Variants in HS6ST2 observed in about 807,000 individuals in gnomAD.
HS6ST2 encodes the protein heparan-sulfate 6-O-sulfotransferase 2.
A neutral mutation model predicts 33.0 loss-of-function variants in HS6ST2; 17 were observed. That is an observed-to-expected ratio of 0.52 (90% CI 0.35 to 0.77). The LOEUF (loss-of-function observed/expected upper bound fraction) is 0.77. HS6ST2 is among the 30% of genes least tolerant of loss of function. The pLI is 0.01. For missense variants in HS6ST2, 519 were observed against 551.7 expected, an observed-to-expected ratio of 0.94 and a Z score of 0.59; for synonymous variants, 248 against 237.1, an observed-to-expected ratio of 1.05 and a Z score of -0.42.
At chrX:132,852,494 G>C (rs1456573088) in intron 2 of HS6ST2, among the ~76,000 whole-genome samples, 1 of 111,656 alleles carries the variant, frequency 9.0e-6, no homozygotes, top group East Asian at 2.8e-4. Context: ...TTAGGACTTG[G>C]GCTAAACAAT....
chrX:132,935,354 A>G (rs983369943), intron 2 of HS6ST2, among the ~76,000 whole-genome samples: 1 of 111,677 alleles, frequency 9.0e-6, no homozygotes, highest in Non-Finnish European at 1.9e-5. Context: ...TTAGGCCACA[A>G]GATGTGTCTC....
intron 2 of HS6ST2, among the ~76,000 whole-genome samples, chrX:132,764,375 T>C (rs1390007824): frequency 3.6e-5 from 4 of 112,002 alleles, no homozygotes. Context: ...TGAACAACCA[T>C]TGACATTTTG....
intron 2 of HS6ST2, among the ~76,000 whole-genome samples, chrX:132,773,262 T>A (rs1469012120): frequency 9.6e-6 from 1 of 104,487 alleles, no homozygotes; most frequent in Non-Finnish European, 1.9e-5. Context: ...ATATTTATAA[T>A]CCAAAAGTCA....
At chrX:132,940,377 T>C (rs2066873761) in intron 2 of HS6ST2, among the ~76,000 whole-genome samples, 1 of 111,859 alleles carries the variant, frequency 8.9e-6, no homozygotes, top group Admixed American at 9.5e-5. Context: ...GGAGTAAATT[T>C]TTGTGAACAC....
intron 4 of HS6ST2, among the ~76,000 whole-genome samples, chrX:132,653,420 G>A (rs1569477796): frequency 1.8e-5 from 2 of 111,738 alleles, no homozygotes; most frequent in Admixed American, 9.5e-5. Flanking sequence ...CTCGGCCCAC[G>A]ACTTTTAAAA....
chrX:132,627,130 T>C lies in HS6ST2; in HGVS notation c.*1093A>G, dbSNP rs890113614. 2 of 112,499 alleles carry C rather than the reference T, an allele frequency of 1.8e-5. No homozygotes were observed. Among genetic ancestry groups the C allele is most frequent in the Non-Finnish European group, 3.8e-5 (2 of 53,203 alleles). The allele number at this position is 112,499 out of a possible 1,213,427, so 9.3% of individuals were successfully genotyped here. On this transcript the variant is annotated 3_prime_UTR_variant, in exon 5 of 5. Coordinates refer to ENST00000370833, the MANE Select transcript of HS6ST2 (RefSeq NM_001394073.1). ...CCAACTGGAAACATTACAATAGAGA[T>C]GTACAAAAAGTAAGTAAGAGTTCAC...
intron 2 of HS6ST2, among the ~76,000 whole-genome samples, chrX:132,875,210 T>C (rs1031776097): frequency 8.9e-6 from 1 of 111,884 alleles, no homozygotes; most frequent in African/African-American, 3.2e-5. Context: ...ATTGCCAACT[T>C]GATTGTCACA....
chrX:132,868,948 G>A (rs1203296628), intron 2 of HS6ST2, among the ~76,000 whole-genome samples: 1 of 108,402 alleles, frequency 9.2e-6, no homozygotes, highest in Non-Finnish European at 1.9e-5. Context: ...AACTGAAGGA[G>A]ATAGAGAGAC....
At chrX:132,685,249 A>C (rs2064008345) in intron 3 of HS6ST2, among the ~76,000 whole-genome samples, 1 of 112,189 alleles carries the variant, frequency 8.9e-6, no homozygotes, top group African/African-American at 3.2e-5. Context: ...GGTTGTCACA[A>C]GCTCAATAAT....
chrX:132,651,742 C>T (rs1441261074), intron 4 of HS6ST2, among the ~76,000 whole-genome samples: 1 of 111,544 alleles, frequency 9.0e-6, no homozygotes, highest in Non-Finnish European at 1.9e-5. Context: ...GCACTTTCAC[C>T]CTGATGGTTC....
chrX:132,762,719 C>T, intron 2 of HS6ST2, among the ~76,000 whole-genome samples: 1 of 111,587 alleles, frequency 9.0e-6, no homozygotes, highest in East Asian at 2.8e-4. Flanking sequence ...TGACCCTTTC[C>T]AAGAGGTTGG....
At chrX:132,938,757 A>G (rs995276089) in intron 2 of HS6ST2, among the ~76,000 whole-genome samples, 1 of 112,238 alleles carries the variant, frequency 8.9e-6, no homozygotes, top group Non-Finnish European at 1.9e-5. Context: ...GATTTTAGCC[A>G]AGGAAGTAAG....
chrX:132,800,116 G>A lies in HS6ST2; in HGVS notation c.948-91622C>T, dbSNP rs1019970355. Among the ~76,000 whole-genome samples, 11 of 111,849 alleles carry A rather than the reference G, an allele frequency of 9.8e-5. No individual in the cohort carries two copies. The East Asian group carries it at 1.1e-3, about 12-fold the overall frequency. ...CCGGGTCACACAGCAGGAGGTGAGC[G>A]GTAGATGAGCGAGCTAAGCTTCATC... On this transcript the variant is annotated intron_variant, in intron 2 of 4. Transcript: ENST00000370833.
intron 2 of HS6ST2, among the ~76,000 whole-genome samples, chrX:132,795,715 T>C (rs746341438): frequency 9.0e-5 from 10 of 110,695 alleles, no homozygotes; most frequent in Non-Finnish European, 1.3e-4. Flanking sequence ...CAGGTAATTC[T>C]CCCACCTCAG....
In HS6ST2 at chrX:132,626,242, TG is replaced by T. The variant is rs2063480449; in HGVS notation, c.*1980del. ...TGCACACCACAGCAATAACACAAAA[TG>T]TTTTTTCTGTAACAAGCTTTTCCAC... On this transcript the variant is annotated 3_prime_UTR_variant, in exon 5 of 5. Transcript: ENST00000370833. 8.9e-6 allele frequency: 1 copy of T among 112,646 alleles called. No homozygotes were observed. Among genetic ancestry groups the T allele is most frequent in the Non-Finnish European group, 1.9e-5 (1 of 53,250 alleles). 9.3% of individuals were successfully genotyped at this position (112,646 alleles called of 1,213,427 possible).
chrX:132,817,041 A>C (rs1246231435), intron 2 of HS6ST2, among the ~76,000 whole-genome samples: 1 of 111,772 alleles, frequency 8.9e-6, no homozygotes, highest in African/African-American at 3.3e-5. Flanking sequence ...CCACCTTGTT[A>C]CTCACCATCT....
intron 4 of HS6ST2, among the ~76,000 whole-genome samples, chrX:132,651,969 G>T (rs2063696358): frequency 1.8e-5 from 2 of 112,085 alleles, no homozygotes; most frequent in Admixed American, 9.4e-5. Flanking sequence ...TTCCAAACCT[G>T]TTATGCGCAG....
Position 132,958,329 on chromosome X carries a change from G to T in HS6ST2, c.274C>A (p.Arg92=), listed in dbSNP as rs1266227808. ...ACAPLFALLS[R]GRRRRMHVLR... Reference sequence around the variant, plus strand: ...ACGTGCATCCGCCTGCGGCGGCCCCGGGACAGCAGCGCGAAAAGCGGGGCG... The same window carrying T: ...ACGTGCATCCGCCTGCGGCGGCCCCTGGACAGCAGCGCGAAAAGCGGGGCG... Residue 92 remains arginine (R), a synonymous_variant, in exon 1 of 5, where the codon CGG becomes AGG. Coordinates refer to ENST00000370833, the MANE Select transcript of HS6ST2 (RefSeq NM_001394073.1). The T allele has an allele frequency of 3.3e-6, 4 of 1,196,493 alleles. No individual in the cohort carries two copies. Among genetic ancestry groups the T allele is most frequent in the Non-Finnish European group, 4.5e-6 (4 of 893,132 alleles).
chrX:132,894,142 G>T (rs375574356), intron 2 of HS6ST2, among the ~76,000 whole-genome samples: 6 of 106,076 alleles, frequency 5.7e-5, no homozygotes, highest in Non-Finnish European at 1.2e-4. Flanking sequence ...TTTTTTGTGG[G>T]GGGGGAGGTG....
Sources: allele counts gnomAD v4.1 joint callset (sites outside exome capture counted in the v4.1 genomes callset), GRCh38; gene constraint gnomAD v4.1.1; transcripts MANE v1.5; gene names NCBI Gene and HGNC (gene_info 2026-07-23, HGNC 2026-07-21).